The following DPP10 variants were observed in gnomAD, a reference collection of about 807,000 sequenced individuals.
The protein encoded by DPP10 is inactive dipeptidyl peptidase 10.
A neutral mutation model predicts 120.9 loss-of-function variants in DPP10; 33 were observed. The ratio of observed to expected loss-of-function variants is 0.27; its 90% CI spans 0.21 to 0.37. The LOEUF is 0.37. Ranked by LOEUF, DPP10 falls within the 10% of genes least tolerant of loss-of-function variation. The probability of loss-of-function intolerance (pLI) is 1.00; values close to 1 mark genes in which losing one functional copy is unlikely to be tolerated. For missense variants in DPP10, 816 were observed against 942.8 expected (o/e 0.87, Z 1.76); for synonymous variants, 337 against 326.1 (o/e 1.03, Z -0.36).
chr2:115,668,170 T>G (rs2149432916), intron 5 of DPP10, among the ~76,000 whole-genome samples: 1 of 152,208 alleles, frequency 6.6e-6, no homozygotes, highest in South Asian at 2.1e-4. Context: ...GTAAGCCCTT[T>G]ATTATAGGGA....
At chr2:115,365,936 T>A (rs1407114826) in intron 3 of DPP10, among the ~76,000 whole-genome samples, 1 of 152,036 alleles carries the variant, frequency 6.6e-6, no homozygotes, top group East Asian at 1.9e-4. Context: ...TTATTTATGT[T>A]ACTAATGAGT....
chr2:115,702,316 A>G (rs1417113289), intron 7 of DPP10, among the ~76,000 whole-genome samples: 5 of 152,054 alleles, frequency 3.3e-5, no homozygotes, highest in African/African-American at 1.2e-4. Context: ...TTAAACAGAA[A>G]GTTATCATAT....
At chr2:114,961,878 C>T (rs116358182) in intron 1 of DPP10, among the ~76,000 whole-genome samples, 16,570 of 151,942 alleles carry the variant, frequency 0.11, 1,034 homozygotes, top group Non-Finnish European at 0.13. Flanking sequence ...TGTTTGAACC[C>T]GGGAAGCAAA....
At chr2:115,604,581 C>T (rs1204376013) in intron 5 of DPP10, among the ~76,000 whole-genome samples, 2 of 152,160 alleles carry the variant, frequency 1.3e-5, no homozygotes, top group African/African-American at 2.4e-5. Flanking sequence ...CTCTTTTCTT[C>T]AAGAAACTGT....
chr2:115,709,188 G>A (rs945555903), intron 7 of DPP10, among the ~76,000 whole-genome samples: 1 of 152,106 alleles, frequency 6.6e-6, no homozygotes, highest in Non-Finnish European at 1.5e-5. Flanking sequence ...GGCAACTGTA[G>A]TGGAGGCAGA....
In DPP10 at chr2:115,388,547, A is replaced by G. The variant is rs143940011; in HGVS notation, c.271+44635A>G. Among the ~76,000 whole-genome samples the G allele has an allele frequency of 3.3e-5, 5 of 152,286 alleles. 1 individual carries two copies. The highest frequency in any genetic ancestry group is 1.2e-4 in the African/African-American group (5 of 41,570). The stretch of plus-strand genomic sequence containing the variant: ...TGGATTTGGAATGCTGCTTGGACAA[A>G]TACTTCCTGGCCCTCTAGGGTGATT... On this transcript the variant is annotated intron_variant, in intron 3 of 25. Transcript: ENST00000410059.
intron 1 of DPP10, among the ~76,000 whole-genome samples, chr2:114,462,981 G>A (rs1359219494): frequency 6.6e-6 from 1 of 151,954 alleles, no homozygotes; most frequent in African/African-American, 2.4e-5. Context: ...ACCATCATAA[G>A]CTCCAGGATG....
chr2:115,118,608 C>T (rs186074556), intron 1 of DPP10, among the ~76,000 whole-genome samples: 3 of 152,126 alleles, frequency 2.0e-5, no homozygotes, highest in African/African-American at 7.2e-5. Context: ...GACGGGGTCT[C>T]ACTCTGTCAC....
intron 1 of DPP10, among the ~76,000 whole-genome samples, chr2:114,504,666 T>C (rs1462998743): frequency 6.6e-6 from 1 of 152,154 alleles, no homozygotes; most frequent in African/African-American, 2.4e-5. Flanking sequence ...TCTCAACACA[T>C]GTCATGTATA....
intron 4 of DPP10, among the ~76,000 whole-genome samples, chr2:115,504,654 A>G (rs947162220): frequency 3.9e-5 from 6 of 152,154 alleles, no homozygotes; most frequent in Non-Finnish European, 4.4e-5. Context: ...CAGGGAAACA[A>G]ATGGAATAAT....
intron 15 of DPP10, among the ~76,000 whole-genome samples, chr2:115,779,815 A>G (rs1374137056): frequency 6.6e-6 from 1 of 151,536 alleles, no homozygotes; most frequent in Admixed American, 6.7e-5. Flanking sequence ...GATATTTTAT[A>G]AGTTATCATG....
chr2:115,150,677 C>T (rs1287586762), intron 1 of DPP10, among the ~76,000 whole-genome samples: 1 of 152,134 alleles, frequency 6.6e-6, no homozygotes, highest in Non-Finnish European at 1.5e-5. Flanking sequence ...AATTCTTAGG[C>T]TTATGTCTCT....
intron 1 of DPP10, among the ~76,000 whole-genome samples, chr2:115,101,264 A>G (rs959665183): frequency 6.6e-6 from 1 of 152,028 alleles, no homozygotes. Flanking sequence ...ACCCCACCTT[A>G]TGGCTGGATG....
intron 1 of DPP10, among the ~76,000 whole-genome samples, chr2:115,110,237 C>T (rs190150864): frequency 6.6e-6 from 1 of 152,138 alleles, no homozygotes; most frequent in Non-Finnish European, 1.5e-5. Context: ...TCTAAAAATT[C>T]TGGGTTTGGA....
At chr2:115,121,678 TAGAGGAGTGTCCTTAC>T (rs2049831459) in intron 1 of DPP10, among the ~76,000 whole-genome samples, 1 of 152,192 alleles carries the variant, frequency 6.6e-6, no homozygotes, top group Non-Finnish European at 1.5e-5. Flanking sequence ...GGTAGTTATC[TAGAGGAGTGTCCTTAC>T]AGCAACCTGG....
intron 3 of DPP10, among the ~76,000 whole-genome samples, chr2:115,421,888 A>G (rs1379697997): frequency 6.6e-6 from 1 of 151,050 alleles, no homozygotes; most frequent in Non-Finnish European, 1.5e-5. Context: ...AAAAAAAAAA[A>G]AAAAAAAAAG....
chr2:115,301,263 G>A (rs2105976701), intron 1 of DPP10, among the ~76,000 whole-genome samples: 1 of 152,016 alleles, frequency 6.6e-6, no homozygotes, highest in South Asian at 2.1e-4. Flanking sequence ...TACTCTTGCA[G>A]TTTTCACAAA....
intron 1 of DPP10, among the ~76,000 whole-genome samples, chr2:114,969,314 A>G (rs1171804594): frequency 6.6e-6 from 1 of 152,210 alleles, no homozygotes; most frequent in Non-Finnish European, 1.5e-5. Flanking sequence ...GGGGAAGACT[A>G]CTTGTTTTGG....
At chr2:115,815,912 G>T (rs1431635815) in intron 21 of DPP10, among the ~76,000 whole-genome samples, 183 bp downstream of exon 21, 1 of 151,478 alleles carries the variant, frequency 6.6e-6, no homozygotes, top group African/African-American at 2.4e-5. Flanking sequence ...GGATTCCAGA[G>T]TCTGAAATGT....
Sources: gnomAD v4.1 joint callset for allele counts (sites outside exome capture counted in the v4.1 genomes callset) on GRCh38, gnomAD v4.1.1 for gene constraint, MANE v1.5 for transcripts, NCBI Gene and HGNC (gene_info 2026-07-23, HGNC 2026-07-21) for gene names.